The following DMXL1 variants were observed in gnomAD, a reference collection of about 807,000 sequenced individuals.
DMXL1 encodes the protein dmX-like protein 1.
Under a neutral mutation model 319.2 loss-of-function variants are expected in DMXL1, and 99 were observed. The ratio of observed to expected loss-of-function variants is 0.31; its 90% CI spans 0.26 to 0.37. The LOEUF (loss-of-function observed/expected upper bound fraction) is 0.37, where lower values mean the gene tolerates loss of function less well. Ranked by LOEUF, DMXL1 falls within the 10% of genes least tolerant of loss-of-function variation. The probability of loss-of-function intolerance (pLI) is 1.00; values close to 1 mark genes in which losing one functional copy is unlikely to be tolerated. For synonymous variants in DMXL1, 1,385 were observed against 1,235.2 expected, an observed-to-expected ratio of 1.12 and a Z score of -2.54; for missense variants, 3,745 against 3,595.6, an observed-to-expected ratio of 1.04 and a Z score of -1.06.
At chr5:119,081,705 T>C (rs1440355901) in intron 1 of DMXL1, 1 of 985,288 alleles carries the variant, frequency 1.0e-6, no homozygotes, top group Non-Finnish European at 1.2e-6. Flanking sequence ...GAGGTACCCT[T>C]GCTTAACCTT....
Position 119,150,392 on chromosome 5 carries a change from A to T in DMXL1, c.4565A>T (p.Asp1522Val). 6.2e-7 allele frequency: 1 copy of T among 1,612,834 alleles called. No homozygotes were observed. Among genetic ancestry groups the T allele is most frequent in the Admixed American group, 1.7e-5 (1 of 59,766 alleles). The stretch of plus-strand genomic sequence containing the variant: ...GATACAATTGCAACTACAAGCACTG[A>T]TATTGGAGAAAGCCGAGACAGAAGC... Reference protein sequence around the residue: ...LADTIATTSTDIGESRDRSQG... With the variant: ...LADTIATTSTVIGESRDRSQG... The change falls in exon 18 of 44, where the codon GAT (aspartate) becomes GTT (valine). Residue 1522 changes from aspartate (D) to valine (V), a missense_variant. Physicochemically the swap from Asp to Val is radical, Grantham distance 152 (BLOSUM62 -3). Transcript: ENST00000539542.
At position 119,144,642 on chromosome 5, in the gene DMXL1, A is replaced by G. The variant is rs766416428; in HGVS notation, c.2569+4A>G. On this transcript the variant is annotated splice_donor_region_variant and intron_variant, in intron 15 of 43. Transcript: ENST00000539542. ...GACAGCATTTTATCTAATGCAGGTA[A>G]GGAAGAATTATTTATGGAATGAGAA... The G allele has an allele frequency of 6.5e-7, 1 of 1,545,892 alleles. No homozygotes were observed. Among genetic ancestry groups the G allele is most frequent in the Non-Finnish European group, 8.8e-7 (1 of 1,135,610 alleles).
intron 42 of DMXL1, among the ~76,000 whole-genome samples, chr5:119,241,725 G>T (rs1788859921): frequency 1.3e-5 from 2 of 152,010 alleles, no homozygotes; most frequent in Non-Finnish European, 2.9e-5. Flanking sequence ...TGTTATTCAA[G>T]GTTTACACTG....
At chr5:119,094,548 T>G (rs1232329040) in intron 1 of DMXL1, among the ~76,000 whole-genome samples, 2 of 152,250 alleles carry the variant, frequency 1.3e-5, no homozygotes, top group African/African-American at 4.8e-5. Context: ...GCTAAAACAT[T>G]CATTCTGTAG....
Position 119,248,344 on chromosome 5 carries a change from A to T in DMXL1, c.*1125A>T, listed in dbSNP as rs1342039971. 1 of 152,480 alleles carries T rather than the reference A, an allele frequency of 6.6e-6. No homozygotes were observed. Among genetic ancestry groups the T allele is most frequent in the East Asian group, 1.9e-4 (1 of 5,198 alleles). The allele number at this position is 152,480 out of a possible 1,614,324, so 9.4% of individuals were successfully genotyped here. A position where few individuals can be genotyped will look rare whatever the true frequency, so the allele number is the denominator to read the frequency against. ...TATTTTATTTTTGCCAAAATATTTTATTATAAAATATGACCAAAATATTTA... is the reference window on the plus strand; with the variant it reads ...TATTTTATTTTTGCCAAAATATTTTTTTATAAAATATGACCAAAATATTTA... On this transcript the variant is annotated 3_prime_UTR_variant, in exon 44 of 44. Transcript: ENST00000539542.
At chr5:119,212,545 G>C (rs548897023) in intron 34 of DMXL1, among the ~76,000 whole-genome samples, 2 of 152,236 alleles carry the variant, frequency 1.3e-5, no homozygotes. Flanking sequence ...TCTGCTTTCA[G>C]TTTTTTGGGG....
At chr5:119,157,867 G>C (rs1771448452) in intron 19 of DMXL1, among the ~76,000 whole-genome samples, 4 of 152,086 alleles carry the variant, frequency 2.6e-5, no homozygotes, top group Admixed American at 2.6e-4. Context: ...AATGACATCA[G>C]TATTTTGATA....
chr5:119,083,896 A>G (rs935771330), intron 1 of DMXL1, among the ~76,000 whole-genome samples: 3 of 152,146 alleles, frequency 2.0e-5, no homozygotes, highest in African/African-American at 4.8e-5. Flanking sequence ...ACTAATTTAC[A>G]TTCCCACCAA....
At chr5:119,209,490 C>T (rs547965388) in intron 34 of DMXL1, among the ~76,000 whole-genome samples, 2 of 152,030 alleles carry the variant, frequency 1.3e-5, no homozygotes, top group South Asian at 2.1e-4. Flanking sequence ...GCTGGGACTA[C>T]AGGCATGCAT....
intron 1 of DMXL1, 121 bp downstream of exon 1, chr5:119,071,777 C>T: frequency 1.2e-6 from 1 of 846,860 alleles, no homozygotes; most frequent in Admixed American, 3.0e-5. Flanking sequence ...GGGTCCTTAC[C>T]ACCCAGAACC....
Position 119,150,151 on chromosome 5 carries a change from A to G in DMXL1, c.4324A>G (p.Ser1442Gly). 2 of 1,613,824 alleles carry G rather than the reference A, an allele frequency of 1.2e-6. No individual in the cohort carries two copies. Among genetic ancestry groups the G allele is most frequent in the Non-Finnish European group, 1.7e-6 (2 of 1,179,870 alleles). ...TAAATCAAACCAATTATCTAAAGAA[A>G]GTTATGATGAGCTTTTTCAGACTCA... is the stretch of plus-strand genomic sequence containing the variant. ...LSKSNQLSKESYDELFQTQLL... is the reference protein window; with the variant it reads ...LSKSNQLSKEGYDELFQTQLL... The change falls in exon 18 of 44, where the codon AGT becomes GGT. Residue 1442 changes from serine to glycine, a missense_variant. Physicochemically the swap from Ser to Gly is moderately conservative, Grantham distance 56. Around this residue, in one of 4 missense-constraint regions of DMXL1, gnomAD observed 2,096 missense variants for 1,985.4 expected, o/e 1.06. Coordinates refer to ENST00000539542, the MANE Select transcript of DMXL1 (RefSeq NM_001290321.3).
Position 119,177,143 on chromosome 5 carries a change from C to T in DMXL1, c.6759-214C>T, listed in dbSNP as rs149465041. Among the ~76,000 whole-genome samples, 91 of 152,168 alleles carry T rather than the reference C, an allele frequency of 6.0e-4. No individual in the cohort carries two copies. The East Asian group carries it at 0.016, about 27-fold the overall frequency. ...TTTAGTTTTCTCATTTGTACTTATT[C>T]TGTCCCTTAAAATGTGTTTTAATTT... On this transcript the variant is annotated intron_variant, in intron 26 of 43. Transcript: ENST00000539542.
chr5:119,152,894 T>A (rs1770136261), intron 19 of DMXL1, among the ~76,000 whole-genome samples: 1 of 152,206 alleles, frequency 6.6e-6, no homozygotes, highest in Non-Finnish European at 1.5e-5. Context: ...TCTCTTTGTT[T>A]CTCTCACTAT....
chr5:119,229,276 G>C (rs1345752078), intron 38 of DMXL1, among the ~76,000 whole-genome samples: 1 of 151,878 alleles, frequency 6.6e-6, no homozygotes, highest in Non-Finnish European at 1.5e-5. Flanking sequence ...AAGACATGAA[G>C]CACAGGAAAT....
chr5:119,151,715 A>G (rs1325933028), intron 18 of DMXL1, among the ~76,000 whole-genome samples: 1 of 152,204 alleles, frequency 6.6e-6, no homozygotes, highest in East Asian at 1.9e-4. Flanking sequence ...TATAAAGAGT[A>G]TCAGATTCTC....
intron 1 of DMXL1, among the ~76,000 whole-genome samples, chr5:119,079,021 C>T (rs1207741487): frequency 6.6e-6 from 1 of 152,076 alleles, no homozygotes. Flanking sequence ...CTTTCTTGTT[C>T]CTGTATATCT....
intron 34 of DMXL1, among the ~76,000 whole-genome samples, chr5:119,215,432 C>G (rs1303519868): frequency 6.6e-6 from 1 of 152,080 alleles, no homozygotes; most frequent in Non-Finnish European, 1.5e-5. Flanking sequence ...CTCAGCCACT[C>G]AAGTAGCTGG....
chr5:119,091,718 G>A (rs1480006812), intron 1 of DMXL1, among the ~76,000 whole-genome samples: 1 of 152,176 alleles, frequency 6.6e-6, no homozygotes, highest in Admixed American at 6.5e-5. Flanking sequence ...CGTTCCTAAA[G>A]TGAGGAGATC....
intron 1 of DMXL1, among the ~76,000 whole-genome samples, chr5:119,085,797 T>G (rs1015033791): frequency 6.6e-6 from 1 of 152,200 alleles, no homozygotes; most frequent in Non-Finnish European, 1.5e-5. Flanking sequence ...TTTTCCCTAT[T>G]TAGAATGACG....
Sources: gnomAD v4.1 joint callset for allele counts (sites outside exome capture counted in the v4.1 genomes callset) on GRCh38, gnomAD v4.1.1 for gene constraint, gnomAD v4.1.1 regional missense constraint, MANE v1.5 for transcripts, NCBI Gene and HGNC (gene_info 2026-07-23, HGNC 2026-07-21) for gene names.